Variants in PALM observed in about 807,000 individuals in gnomAD.
PALM encodes paralemmin-1.
Under a neutral mutation model 30.7 loss-of-function variants are expected in PALM, and 18 were observed. The observed-to-expected ratio is 0.59, with a 90% CI of 0.41 to 0.87. The LOEUF (loss-of-function observed/expected upper bound fraction) is 0.87. Among genes scored for constraint, PALM ranks in the 40% least tolerant of loss-of-function variants. The pLI is 0.00. For missense variants in PALM, 529 were observed against 555.4 expected, an observed-to-expected ratio of 0.95 and a Z score of 0.48; for synonymous variants, 286 against 242.8, an observed-to-expected ratio of 1.18 and a Z score of -1.66.
chr19:725,730 G>A (rs2032639479), intron 1 of PALM, among the ~76,000 whole-genome samples: 1 of 152,046 alleles, frequency 6.6e-6, no homozygotes, highest in African/African-American at 2.4e-5. Flanking sequence ...GCCCCTCCTG[G>A]GGCTGCAGAG....
intron 7 of PALM, among the ~76,000 whole-genome samples, chr19:736,453 C>T (rs756612664): frequency 6.6e-6 from 1 of 152,200 alleles, no homozygotes; most frequent in East Asian, 1.9e-4. Flanking sequence ...CTCCAGTCCT[C>T]GGGCAGTAGG....
chr19:746,160 G>A lies in PALM; in HGVS notation c.635-125G>A. The A allele has an allele frequency of 2.9e-6, 2 of 694,110 alleles. No homozygotes were observed. Among genetic ancestry groups the A allele is most frequent in the Non-Finnish European group, 4.9e-6 (2 of 405,856 alleles). The allele number at this position is 694,110 out of a possible 1,614,324, so 43.0% of individuals were successfully genotyped here. A position where few individuals can be genotyped will look rare whatever the true frequency, so the allele number is the denominator to read the frequency against. ...GTTCTGACGGTGTAATCTAGTTCGT[G>A]ATTTCCTCTTTAGCCTGGAGGAGGA... On this transcript the variant is annotated intron_variant, in intron 8 of 8. Coordinates refer to ENST00000338448, the MANE Select transcript of PALM (RefSeq NM_002579.3). This position sits in a 1 kb window ranked among gnomAD's most constrained non-coding sequence, Gnocchi z 7.1.
Position 746,297 on chromosome 19 carries a change from T to C in PALM, c.647T>C (p.Val216Ala), listed in dbSNP as rs1255373710. 2 of 1,612,818 alleles carry C rather than the reference T, an allele frequency of 1.2e-6. No homozygotes were observed. The highest frequency in any genetic ancestry group is 1.3e-5 in the African/African-American group (1 of 74,804). ...TCTCCTTGTACAGTGGTCCATGCTG[T>C]GGACGGCACCGCCGAGAACGGGATC... Reference protein sequence around the residue: ...YEDETKVVHAVDGTAENGIHP... With the variant: ...YEDETKVVHAADGTAENGIHP... Residue 216 changes from valine (V) to alanine (A), a missense_variant, in exon 9 of 9, where the codon GTG becomes GCG. Coordinates refer to ENST00000338448, the MANE Select transcript of PALM (RefSeq NM_002579.3). This position sits in a 1 kb window ranked among gnomAD's most constrained non-coding sequence, Gnocchi z 7.1.
At chr19:740,297 C>CG (rs904594401) in intron 7 of PALM, 55 bp from the exon 8 acceptor site, 506 of 1,491,736 alleles carry the variant, frequency 3.4e-4, no homozygotes, top group Middle Eastern at 1.0e-3. Context: ...CGCAGCCCGG[C>CG]GGGGGGGTGC....
rs1272270004 is a variant in PALM at position 709,629 on chromosome 19, C to A, written c.5+478C>A. Among the ~76,000 whole-genome samples, 1 of 151,888 alleles carries A rather than the reference C, an allele frequency of 6.6e-6. No homozygotes were observed. The highest frequency in any genetic ancestry group is 2.4e-5 in the African/African-American group (1 of 41,390). ...CCCTGGACGCGCGCGCGGGCCGGTG[C>A]CCCCCACCCCCGCCCTTCCCAAGGG... is the stretch of plus-strand genomic sequence containing the variant. On this transcript the variant is annotated intron_variant, in intron 1 of 8. Coordinates refer to ENST00000338448, the MANE Select transcript of PALM (RefSeq NM_002579.3). This position sits in a 1 kb window ranked among gnomAD's most constrained non-coding sequence, Gnocchi z 4.3.
intron 1 of PALM, among the ~76,000 whole-genome samples, chr19:712,848 G>A (rs1198933191): frequency 6.6e-6 from 1 of 152,118 alleles, no homozygotes. Context: ...GCTAATTTTT[G>A]TATTTTTAGT....
chr19:719,448 G>A, intron 1 of PALM: 1 of 985,392 alleles, frequency 1.0e-6, no homozygotes, highest in Non-Finnish European at 1.2e-6. Flanking sequence ...CGCGGGGACG[G>A]GAGGCCTGTG....
At chr19:717,740 A>T (rs1568219513) in intron 1 of PALM, among the ~76,000 whole-genome samples, 1 of 144,132 alleles carries the variant, frequency 6.9e-6, no homozygotes, top group Non-Finnish European at 1.5e-5. Flanking sequence ...CGGGAGTGTG[A>T]GAAGAGGGGG....
chr19:736,200 C>G, intron 7 of PALM, 122 bp downstream of exon 7: 1 of 697,140 alleles, frequency 1.4e-6, no homozygotes, highest in Non-Finnish European at 2.3e-6. Context: ...CTGACGGGGC[C>G]GTGGTTATGG....
intron 1 of PALM, among the ~76,000 whole-genome samples, chr19:720,557 G>A (rs2032440145): frequency 7.6e-6 from 1 of 132,442 alleles, no homozygotes; most frequent in African/African-American, 2.8e-5. Flanking sequence ...CGGGCCTGGG[G>A]AGAGTGAAGG....
intron 8 of PALM, among the ~76,000 whole-genome samples, chr19:745,589 G>C (rs1159924615): frequency 6.6e-6 from 1 of 151,486 alleles, no homozygotes; most frequent in African/African-American, 2.4e-5. Context: ...CAGCTACTCA[G>C]GAGGCTGAGG....
At chr19:728,168 A>G (rs2144884919) in intron 4 of PALM, among the ~76,000 whole-genome samples, 1 of 152,274 alleles carries the variant, frequency 6.6e-6, no homozygotes, top group South Asian at 2.1e-4. Flanking sequence ...GCCCGCAGGA[A>G]GCTCGGGCGG....
chr19:746,217 G>A lies in PALM; in HGVS notation c.635-68G>A, dbSNP rs1599172715. Reference sequence around the variant, plus strand: ...CCTTGCCAAGGTTTCCCTCCTGCCTGAGCCAGGTCACTCTCTCTGTCCCTC... The same window carrying A: ...CCTTGCCAAGGTTTCCCTCCTGCCTAAGCCAGGTCACTCTCTCTGTCCCTC... On this transcript the variant is annotated intron_variant, in intron 8 of 8. Coordinates refer to ENST00000338448, the MANE Select transcript of PALM (RefSeq NM_002579.3). This position sits in a 1 kb window ranked among gnomAD's most constrained non-coding sequence, Gnocchi z 7.1. 1 of 1,312,304 alleles carries A rather than the reference G, an allele frequency of 7.6e-7. No individual in the cohort carries two copies. Among genetic ancestry groups the A allele is most frequent in the Non-Finnish European group, 1.1e-6 (1 of 926,510 alleles). The allele number at this position is 1,312,304 out of a possible 1,614,324, so 81.3% of individuals were successfully genotyped here. A position where few individuals can be genotyped will look rare whatever the true frequency, so the allele number is the denominator to read the frequency against.
intron 1 of PALM, among the ~76,000 whole-genome samples, chr19:723,314 G>T (rs983978342): frequency 2.6e-5 from 4 of 152,106 alleles, no homozygotes; most frequent in Non-Finnish European, 5.9e-5. Context: ...CAGACACGAA[G>T]GGCAGGCTGT....
intron 7 of PALM, 53 bp from the exon 8 acceptor site, chr19:740,299 G>T (rs569583438): frequency 2.7e-6 from 4 of 1,502,616 alleles, no homozygotes; most frequent in African/African-American, 2.8e-5. Flanking sequence ...CAGCCCGGCG[G>T]GGGGGTGCGG....
intron 7 of PALM, among the ~76,000 whole-genome samples, chr19:737,759 A>T (rs915580947): frequency 2.6e-5 from 4 of 151,862 alleles, no homozygotes; most frequent in Non-Finnish European, 5.9e-5. Context: ...CGGCCAGGAG[A>T]TCCGTGTGGC....
At chr19:730,206 G>GA (rs3837993) in intron 4 of PALM, among the ~76,000 whole-genome samples, 74,655 of 151,650 alleles carry the variant, frequency 0.49, 18,708 homozygotes, top group African/African-American at 0.6. Flanking sequence ...CCTCCAGGCG[G>GA]CTGTGGGCTG....
intron 1 of PALM, among the ~76,000 whole-genome samples, chr19:710,692 CG>C (rs34447677): frequency 0.75 from 109,507 of 145,428 alleles, 41,781 homozygotes; most frequent in East Asian, 1. Context: ...CACCTGGGGC[CG>C]GGGGGCCTCG....
chr19:727,611 G>T lies in PALM; in HGVS notation c.186G>T (p.Ser62=). 1 of 1,579,794 alleles carries T rather than the reference G, an allele frequency of 6.3e-7. No homozygotes were observed. The highest frequency in any genetic ancestry group is 8.6e-7 in the Non-Finnish European group (1 of 1,163,428). ...GGCTGCTGGAGGGGACGCCGTCCTCGGCCTCAGAGGGGGATGAGGACCTGA... is the reference window on the plus strand; with the variant it reads ...GGCTGCTGGAGGGGACGCCGTCCTCTGCCTCAGAGGGGGATGAGGACCTGA... ...ERWLLEGTPS[S]ASEGDEDLRR... is the part of the protein sequence containing the mutation. The change falls in exon 4 of 9, where the codon TCG becomes TCT. Residue 62 remains serine (S), a synonymous_variant. Coordinates refer to ENST00000338448, the MANE Select transcript of PALM (RefSeq NM_002579.3).
Sources: gnomAD v4.1 joint callset for allele counts (sites outside exome capture counted in the v4.1 genomes callset) on GRCh38, gnomAD v4.1.1 for gene constraint, Gnocchi (gnomAD v3.1) non-coding constraint, MANE v1.5 for transcripts, NCBI Gene and HGNC (gene_info 2026-07-23, HGNC 2026-07-21) for gene names.